Variants in CDH4 observed in about 807,000 individuals in gnomAD.
The protein encoded by CDH4 is cadherin-4.
Under a neutral mutation model 86.0 loss-of-function variants are expected in CDH4, and 33 were observed. The ratio of observed to expected loss-of-function variants is 0.38; its 90% CI spans 0.29 to 0.51. CDH4 has a LOEUF of 0.51. CDH4 is among the 20% of genes least tolerant of loss of function. The pLI, the probability that CDH4 is intolerant of heterozygous loss-of-function variation, is 0.86. For missense variants in CDH4, 1,114 were observed against 1,307.4 expected (o/e 0.85, Z 2.28); for synonymous variants, 555 against 549.4 (o/e 1.01, Z -0.14).
chr20:61,291,134 T>C (rs1190296401), intron 2 of CDH4, among the ~76,000 whole-genome samples: 2 of 152,172 alleles, frequency 1.3e-5, no homozygotes, highest in Non-Finnish European at 2.9e-5. Flanking sequence ...GAACCTCTCT[T>C]TTCCAGTCAT....
intron 11 of CDH4, among the ~76,000 whole-genome samples, chr20:61,927,831 G>T (rs1256588514): frequency 6.6e-6 from 1 of 152,188 alleles, no homozygotes; most frequent in Non-Finnish European, 1.5e-5. Flanking sequence ...TGCAGGTGTG[G>T]GTGTGGCCGT....
chr20:61,908,727 C>G (rs2054819064), intron 8 of CDH4, among the ~76,000 whole-genome samples: 1 of 152,192 alleles, frequency 6.6e-6, no homozygotes, highest in Non-Finnish European at 1.5e-5. Flanking sequence ...GGGAGGGGCA[C>G]TCCGGGAAGA....
At chr20:61,434,547 A>G (rs1351949019) in intron 2 of CDH4, 1 of 151,958 alleles carries the variant, frequency 6.6e-6, no homozygotes, top group Non-Finnish European at 1.5e-5. Flanking sequence ...GCAAGCTTCC[A>G]GTGTGCGAAG....
At chr20:61,452,035 C>G (rs963809465) in intron 2 of CDH4, among the ~76,000 whole-genome samples, 33 of 152,180 alleles carry the variant, frequency 2.2e-4, no homozygotes, top group Admixed American at 2.0e-3. Context: ...CGGCTGTGGC[C>G]CCTTCCTGAG....
At chr20:61,702,108 C>T (rs1235371963) in intron 2 of CDH4, among the ~76,000 whole-genome samples, 1 of 152,262 alleles carries the variant, frequency 6.6e-6, no homozygotes, top group Non-Finnish European at 1.5e-5. Flanking sequence ...TTCTTCACTG[C>T]CATTTCCCGG....
rs143089711 is a variant in CDH4, at chr20:61,662,428, C to T, written c.170-81135C>T. Among the ~76,000 whole-genome samples the T allele has an allele frequency of 9.6e-4, 146 of 152,334 alleles. 1 individual carries two copies. The highest frequency in any genetic ancestry group is 3.4e-3 in the African/African-American group (141 of 41,576). On this transcript the variant is annotated intron_variant, in intron 2 of 15. Coordinates refer to ENST00000614565, the MANE Select transcript of CDH4 (RefSeq NM_001794.5). ...TGTCCTCAACGTTCTCAGCTCCGTG[C>T]GCGGCTTCACCATTCCGAGCTTGGG...
At chr20:61,639,664 T>G (rs2086985211) in intron 2 of CDH4, among the ~76,000 whole-genome samples, 1 of 152,160 alleles carries the variant, frequency 6.6e-6, no homozygotes, top group Non-Finnish European at 1.5e-5. Context: ...TCTGCATGGT[T>G]TTAAAGAGAA....
chr20:61,761,832 CCAGA>C (rs2088636814), intron 3 of CDH4, among the ~76,000 whole-genome samples: 2 of 152,126 alleles, frequency 1.3e-5, no homozygotes, highest in Admixed American at 6.5e-5. Flanking sequence ...CCCTGCATCC[CCAGA>C]CAGAGCACCT....
chr20:61,665,056 G>A (rs73148384), intron 2 of CDH4, among the ~76,000 whole-genome samples: 13 of 152,254 alleles, frequency 8.5e-5, no homozygotes, highest in East Asian at 5.8e-4. Context: ...ATGTCACCAC[G>A]TGGGGACGTC....
intron 2 of CDH4, among the ~76,000 whole-genome samples, chr20:61,428,462 C>T (rs1438260568): frequency 6.6e-6 from 1 of 152,148 alleles, no homozygotes; most frequent in African/African-American, 2.4e-5. Flanking sequence ...TGTTATGTCC[C>T]CAAGCCAGAA....
intron 9 of CDH4, among the ~76,000 whole-genome samples, chr20:61,919,543 G>A (rs2054943039): frequency 6.6e-6 from 1 of 152,280 alleles, no homozygotes; most frequent in African/African-American, 2.4e-5. Flanking sequence ...CGAGGGGTGG[G>A]AACGTGGGGA....
At chr20:61,457,592 G>T (rs2085414912) in intron 2 of CDH4, among the ~76,000 whole-genome samples, 1 of 152,130 alleles carries the variant, frequency 6.6e-6, no homozygotes, top group Non-Finnish European at 1.5e-5. Context: ...ATGGTACGAT[G>T]GTCATGATCA....
intron 2 of CDH4, among the ~76,000 whole-genome samples, chr20:61,278,908 C>A (rs2084243982): frequency 6.6e-6 from 1 of 152,226 alleles, no homozygotes; most frequent in Non-Finnish European, 1.5e-5. Context: ...AGTATTCTTA[C>A]TGGGGAGATT....
chr20:61,566,205 G>C (rs1749944341), intron 2 of CDH4, among the ~76,000 whole-genome samples: 1 of 152,208 alleles, frequency 6.6e-6, no homozygotes, highest in Admixed American at 6.5e-5. Context: ...CCATGTGGCT[G>C]ACTCCTCCGC....
intron 7 of CDH4, among the ~76,000 whole-genome samples, chr20:61,894,442 C>T (rs1390649270): frequency 6.6e-6 from 1 of 152,198 alleles, no homozygotes; most frequent in Non-Finnish European, 1.5e-5. Flanking sequence ...CTTTTCTTCC[C>T]ATTTGAATAT....
intron 7 of CDH4, among the ~76,000 whole-genome samples, chr20:61,889,293 CATGGATGGATGG>C (rs59254816): frequency 3.4e-4 from 48 of 141,844 alleles, no homozygotes; most frequent in East Asian, 1.5e-3. Flanking sequence ...CTCTTTAAAG[CATGGATGGATGG>C]ATGGATGGAT....
intron 2 of CDH4, among the ~76,000 whole-genome samples, chr20:61,265,299 C>T (rs2084151782): frequency 6.7e-6 from 1 of 149,172 alleles, no homozygotes; most frequent in Non-Finnish European, 1.5e-5. Context: ...TTCCTTCATT[C>T]AATCTTACAC....
Position 61,687,811 on chromosome 20 carries a change from A to G in CDH4, c.170-55752A>G, listed in dbSNP as rs374138653. ...ATGTGGTCCGCGGACTACAATTACA[A>G]TGTGTCTAGGGCATAGAAAATATTT... On this transcript the variant is annotated intron_variant, in intron 2 of 15. Coordinates refer to ENST00000614565, the MANE Select transcript of CDH4 (RefSeq NM_001794.5). 3.9e-5 allele frequency among the ~76,000 whole-genome samples: 6 copies of G among 152,280 alleles called. No individual in the cohort carries two copies. The South Asian group carries it at 6.2e-4, about 16-fold the overall frequency.
chr20:61,297,137 G>A (rs1484898409), intron 2 of CDH4, among the ~76,000 whole-genome samples: 2 of 152,190 alleles, frequency 1.3e-5, no homozygotes, highest in Non-Finnish European at 2.9e-5. Context: ...TGTAATCCCA[G>A]CACTTTGGGA....
Sources: gnomAD v4.1 joint callset for allele counts (sites outside exome capture counted in the v4.1 genomes callset) on GRCh38, gnomAD v4.1.1 for gene constraint, MANE v1.5 for transcripts, NCBI Gene and HGNC (gene_info 2026-07-23, HGNC 2026-07-21) for gene names.